DMD: variants seen among roughly 807,000 people sequenced by gnomAD.
The protein encoded by DMD is dystrophin.
In DMD, 63 loss-of-function variants were observed where a neutral mutation model predicts 330.1. The ratio of observed to expected loss-of-function variants is 0.19; its 90% confidence interval spans 0.16 to 0.24. The LOEUF is 0.24. DMD is among the 10% of genes least tolerant of loss of function. The probability of loss-of-function intolerance (pLI) is 1.00; values close to 1 mark genes in which losing one functional copy is unlikely to be tolerated. For synonymous variants in DMD, 1,223 were observed against 959.8 expected, an observed-to-expected ratio of 1.27 and a Z score of -5.07; for missense variants, 3,344 against 2,684.1, an observed-to-expected ratio of 1.25 and a Z score of -5.43.
intron 1 of DMD, among the ~76,000 whole-genome samples, chrX:33,209,542 G>A (rs1009537446): frequency 5.4e-5 from 6 of 111,480 alleles, no homozygotes; most frequent in Non-Finnish European, 9.5e-5. Context: ...ACAACAAAAC[G>A]TACTTTTGTA....
chrX:32,605,081 C>G (rs1008751756), intron 12 of DMD, among the ~76,000 whole-genome samples: 1 of 110,234 alleles, frequency 9.1e-6, no homozygotes, highest in Non-Finnish European at 1.9e-5. Flanking sequence ...AAAAAGAGCC[C>G]AAATAGTCAA....
chrX:31,366,812 TTCTGTCTG>T (rs754763753), intron 60 of DMD, among the ~76,000 whole-genome samples: 4 of 110,153 alleles, frequency 3.6e-5, no homozygotes, highest in African/African-American at 1.3e-4. Flanking sequence ...TTTAGTCTAT[TTCTGTCTG>T]TCTGATTTTT....
chrX:31,918,578 C>T (rs1346923374), intron 47 of DMD, among the ~76,000 whole-genome samples: 2 of 111,664 alleles, frequency 1.8e-5, no homozygotes, highest in East Asian at 5.6e-4. Flanking sequence ...AATCATACTG[C>T]ATTCTAGTTT....
intron 29 of DMD, among the ~76,000 whole-genome samples, chrX:32,429,335 G>A (rs1291557577): frequency 2.2e-5 from 2 of 91,666 alleles, no homozygotes; most frequent in Non-Finnish European, 2.1e-5. Flanking sequence ...TCAGCCTCCC[G>A]AGTAGTTGGG....
intron 3 of DMD, among the ~76,000 whole-genome samples, chrX:32,848,185 A>C (rs1159701746): frequency 8.9e-6 from 1 of 112,104 alleles, no homozygotes; most frequent in Non-Finnish European, 1.9e-5. Flanking sequence ...GGCCAGGACA[A>C]GATGAGTAAG....
At chrX:33,229,735 G>A (rs771252872) in intron 1 of DMD, among the ~76,000 whole-genome samples, 5 of 111,407 alleles carry the variant, frequency 4.5e-5, no homozygotes, top group Non-Finnish European at 9.5e-5. Flanking sequence ...GATTGTATTA[G>A]CTATTATCAG....
At chrX:33,310,088 T>C (rs2053826587) in intron 1 of DMD, among the ~76,000 whole-genome samples, 1 of 110,984 alleles carries the variant, frequency 9.0e-6, no homozygotes, top group African/African-American at 3.3e-5. Context: ...GTGTATGAAT[T>C]AAAATAACAA....
intron 50 of DMD, among the ~76,000 whole-genome samples, chrX:31,782,481 A>T (rs182952370): frequency 2.4e-3 from 268 of 110,786 alleles, no homozygotes; most frequent in Middle Eastern, 4.6e-3. Flanking sequence ...TATGAATGCC[A>T]CATGTGGTCA....
At chrX:33,112,353 G>A (rs1474235977) in intron 1 of DMD, among the ~76,000 whole-genome samples, 2 of 111,451 alleles carry the variant, frequency 1.8e-5, no homozygotes, top group Non-Finnish European at 3.8e-5. Context: ...CTTAGAACAC[G>A]TATCCCTACA....
chrX:32,982,149 A>G (rs1349393775), intron 2 of DMD, among the ~76,000 whole-genome samples: 1 of 111,951 alleles, frequency 8.9e-6, no homozygotes, highest in African/African-American at 3.2e-5. Context: ...ATAAAAACTG[A>G]TTTTATAATT....
At chrX:32,567,235 AAAGC>A (rs1181559416) in intron 15 of DMD, among the ~76,000 whole-genome samples, 1 of 112,278 alleles carries the variant, frequency 8.9e-6, no homozygotes, top group African/African-American at 3.2e-5. Context: ...AAGGGGAAAC[AAAGC>A]AAGATTTAAG....
intron 74 of DMD, among the ~76,000 whole-genome samples, chrX:31,148,542 T>C (rs926241305): frequency 1.8e-5 from 2 of 112,551 alleles, no homozygotes; most frequent in African/African-American, 6.5e-5. Context: ...TGGATACCTG[T>C]TGAAGAGATT....
At position 32,729,714 on chromosome X, in the gene DMD, C is replaced by A. The variant is rs1239041378; in HGVS notation, c.650-30421G>T. On this transcript the variant is annotated intron_variant, in intron 7 of 78. Coordinates refer to ENST00000357033, the MANE Select transcript of DMD (RefSeq NM_004006.3). ...TTGTATACTTATGTCTCTTAAGGAG[C>A]TTTTTATACTAAGAAATTCAGAAAA... is the stretch of plus-strand genomic sequence containing the variant. 3.7e-5 allele frequency among the ~76,000 whole-genome samples: 4 copies of A among 108,978 alleles called. No homozygotes were observed. The Admixed American group carries it at 4.0e-4, about 11-fold the overall frequency. 94.6% of individuals were successfully genotyped at this position (108,978 alleles called of 115,157 possible).
intron 42 of DMD, among the ~76,000 whole-genome samples, chrX:32,297,713 G>A (rs768900269): frequency 8.9e-6 from 1 of 112,027 alleles, no homozygotes; most frequent in East Asian, 2.8e-4. Flanking sequence ...TTAGATAGTG[G>A]TTAAGTGCTG....
intron 2 of DMD, among the ~76,000 whole-genome samples, chrX:32,900,365 G>A (rs1030846714): frequency 9.0e-6 from 1 of 111,171 alleles, no homozygotes; most frequent in African/African-American, 3.3e-5. Flanking sequence ...TTTAAGAGAA[G>A]GGCCCTCACT....
chrX:32,796,651 C>A (rs890296350), intron 7 of DMD, among the ~76,000 whole-genome samples: 3 of 111,615 alleles, frequency 2.7e-5, no homozygotes, highest in Non-Finnish European at 5.7e-5. Flanking sequence ...GTAATGAATA[C>A]CCCAAATACA....
In DMD at chrX:33,025,499, A is replaced by G. The variant is rs763981311; in HGVS notation, c.32-5299T>C. ...AAAAAAAAAACAGAAAAACAGTTCT[A>G]TAAACACTAACAATTATTCCCATTA... On this transcript the variant is annotated intron_variant, in intron 1 of 78. Transcript: ENST00000357033. 4.5e-5 allele frequency among the ~76,000 whole-genome samples: 5 copies of G among 111,539 alleles called. No homozygotes were observed. In the East Asian group the frequency reaches 8.5e-4, roughly 19 times the overall value.
In DMD at chrX:31,120,151, T is replaced by TATCTA; in HGVS notation, c.*1763_*1767dup. The stretch of plus-strand genomic sequence containing the variant: ...TGCAAAATTATAGGTCACACGGTGG[T>TATCTA]ATCTATTGAATGAATGATTTAAAAA... On this transcript the variant is annotated 3_prime_UTR_variant, in exon 79 of 79. Coordinates refer to ENST00000357033, the MANE Select transcript of DMD (RefSeq NM_004006.3). The TATCTA allele has an allele frequency of 9.0e-6, 1 of 111,224 alleles. No individual in the cohort carries two copies. Among genetic ancestry groups the TATCTA allele is most frequent in the Non-Finnish European group, 1.9e-5 (1 of 52,607 alleles). 9.2% of individuals were successfully genotyped at this position (111,224 alleles called of 1,213,427 possible). A position where few individuals can be genotyped will look rare whatever the true frequency, so the allele number is the denominator to read the frequency against.
intron 1 of DMD, among the ~76,000 whole-genome samples, chrX:33,274,166 T>A (rs1191902721): frequency 1.8e-5 from 2 of 112,298 alleles, no homozygotes; most frequent in East Asian, 5.6e-4. Flanking sequence ...AGGATTTATA[T>A]AATTAGCTCT....
Sources: allele counts gnomAD v4.1 joint callset (sites outside exome capture counted in the v4.1 genomes callset), GRCh38; gene constraint gnomAD v4.1.1; transcripts MANE v1.5; gene names NCBI Gene and HGNC (gene_info 2026-07-23, HGNC 2026-07-21).